The following PEMT variants were observed in gnomAD, a reference collection of about 807,000 sequenced individuals.
The protein encoded by PEMT is phospholipid methyltransferase.
PEMT carries 23 observed loss-of-function variants against 27.4 expected under a neutral mutation model. That is an observed-to-expected ratio of 0.84 (90% CI 0.60 to 1.19). The LOEUF (loss-of-function observed/expected upper bound fraction) is 1.19, where lower values mean the gene tolerates loss of function less well. PEMT is among the 50% of genes most tolerant of loss of function. The pLI is 0.00. For missense variants in PEMT, 307 were observed against 310.1 expected, an observed-to-expected ratio of 0.99 and a Z score of 0.07; for synonymous variants, 137 against 139.1, an observed-to-expected ratio of 0.98 and a Z score of 0.11.
intron 1 of PEMT, among the ~76,000 whole-genome samples, chr17:17,583,202 C>T (rs968711250): frequency 1.3e-5 from 2 of 152,090 alleles, no homozygotes; most frequent in Non-Finnish European, 2.9e-5. Flanking sequence ...CATGGTGACA[C>T]TCCGTCTCTA....
chr17:17,518,023 A>G, intron 3 of PEMT: 13 of 985,496 alleles, frequency 1.3e-5, no homozygotes, highest in Non-Finnish European at 1.4e-5. Flanking sequence ...CGAGGCCAGG[A>G]TGCAGCTTCT....
At chr17:17,550,562 C>T (rs925032579) in intron 2 of PEMT, among the ~76,000 whole-genome samples, 1 of 152,218 alleles carries the variant, frequency 6.6e-6, no homozygotes, top group African/African-American at 2.4e-5. Flanking sequence ...ACAGAAGTGT[C>T]GGGCTCAGGC....
intron 2 of PEMT, among the ~76,000 whole-genome samples, chr17:17,534,236 T>C (rs2142574644): frequency 6.6e-6 from 1 of 152,326 alleles, no homozygotes; most frequent in South Asian, 2.1e-4. Flanking sequence ...CTACGGTGAA[T>C]GGATACAATG....
intron 2 of PEMT, among the ~76,000 whole-genome samples, chr17:17,563,347 C>G (rs1910617408): frequency 6.6e-6 from 1 of 152,178 alleles, no homozygotes; most frequent in Admixed American, 6.5e-5. Flanking sequence ...GGGGCCAAAC[C>G]TGGCCTCTGA....
At chr17:17,578,376 G>A (rs781732476) in intron 1 of PEMT, among the ~76,000 whole-genome samples, 8 of 151,526 alleles carry the variant, frequency 5.3e-5, no homozygotes, top group South Asian at 2.1e-4. Flanking sequence ...CTAGCTGGGC[G>A]TAGTTCCAGT....
At chr17:17,572,501 C>T (rs1911277083) in intron 2 of PEMT, among the ~76,000 whole-genome samples, 1 of 152,202 alleles carries the variant, frequency 6.6e-6, no homozygotes, top group Non-Finnish European at 1.5e-5. Context: ...CTTGTGTTTT[C>T]CTGACAGAAT....
At chr17:17,509,903 C>T (rs1429172129) in intron 4 of PEMT, among the ~76,000 whole-genome samples, 1 of 152,186 alleles carries the variant, frequency 6.6e-6, no homozygotes, top group Non-Finnish European at 1.5e-5. Context: ...CGCCTTTCCT[C>T]CTCAGGCCCT....
At position 17,582,235 on chromosome 17, in the gene PEMT, C is replaced by T. The variant is rs922299186; in HGVS notation, c.97-5208G>A. 1.4e-5 allele frequency: 14 copies of T among 983,674 alleles called. No homozygotes were observed. The highest frequency in any genetic ancestry group is 1.7e-5 in the African/African-American group (1 of 57,300). 60.9% of individuals were successfully genotyped at this position (983,674 alleles called of 1,614,324 possible). On this transcript the variant is annotated intron_variant, in intron 1 of 6. Transcript: ENST00000255389. This position sits in a 1 kb window ranked among gnomAD's most constrained non-coding sequence, Gnocchi z 4.9. Reference sequence around the variant, plus strand: ...CCAAGGCTCCAGGTTGCAGAGGCCTCGGAATCTGACTAAAGGAAAGGAGCT... The same window carrying T: ...CCAAGGCTCCAGGTTGCAGAGGCCTTGGAATCTGACTAAAGGAAAGGAGCT...
At chr17:17,526,936 C>T (rs531536918) in intron 2 of PEMT, among the ~76,000 whole-genome samples, 167 of 152,346 alleles carry the variant, frequency 1.1e-3, no homozygotes, top group African/African-American at 3.9e-3. Flanking sequence ...CCAAGAAGCA[C>T]GACCCCCTTC....
At chr17:17,518,056 C>G (rs923118614) in intron 3 of PEMT, 1 of 985,450 alleles carries the variant, frequency 1.0e-6, no homozygotes, top group African/African-American at 1.7e-5. Flanking sequence ...GCCCGCCACA[C>G]CAGAGCACAC....
intron 2 of PEMT, among the ~76,000 whole-genome samples, chr17:17,544,950 C>T (rs1017574106): frequency 1.3e-5 from 2 of 152,334 alleles, no homozygotes; most frequent in East Asian, 3.9e-4. Flanking sequence ...AGAAAGGAGG[C>T]GAACAGGCCA....
chr17:17,535,521 C>A (rs530229648), intron 2 of PEMT, among the ~76,000 whole-genome samples: 26 of 151,376 alleles, frequency 1.7e-4, no homozygotes, highest in African/African-American at 6.3e-4. Context: ...GCTGAGATCG[C>A]GCCACTGCAC....
chr17:17,560,512 G>A (rs541628931), intron 2 of PEMT, among the ~76,000 whole-genome samples: 158 of 152,354 alleles, frequency 1.0e-3, no homozygotes, highest in African/African-American at 3.7e-3. Flanking sequence ...ACATAGCTAA[G>A]GAGCAACAGG....
chr17:17,586,277 AAAG>A (rs1567759490), intron 1 of PEMT, among the ~76,000 whole-genome samples: 2 of 111,298 alleles, frequency 1.8e-5, no homozygotes, highest in African/African-American at 9.2e-5. Context: ...AGAAAGAAAG[AAAG>A]AAAGAAAGAA....
chr17:17,537,976 A>G (rs537040134), intron 2 of PEMT, among the ~76,000 whole-genome samples: 34 of 152,322 alleles, frequency 2.2e-4, no homozygotes, highest in South Asian at 2.1e-3. Context: ...GGCAGAAATC[A>G]CCAGGGAGTG....
chr17:17,568,656 G>A (rs539973078), intron 2 of PEMT, among the ~76,000 whole-genome samples: 1 of 152,322 alleles, frequency 6.6e-6, no homozygotes, highest in Admixed American at 6.5e-5. Flanking sequence ...CCGGCACCTG[G>A]AGGGATCCCT....
intron 2 of PEMT, among the ~76,000 whole-genome samples, chr17:17,528,771 T>A (rs545538135): frequency 3.3e-5 from 5 of 152,304 alleles, no homozygotes; most frequent in African/African-American, 1.2e-4. Flanking sequence ...AGGGCTCCAC[T>A]GGCATCAGGA....
At chr17:17,575,626 G>A (rs1911533904) in intron 2 of PEMT, among the ~76,000 whole-genome samples, 1 of 152,212 alleles carries the variant, frequency 6.6e-6, no homozygotes, top group Non-Finnish European at 1.5e-5. Flanking sequence ...GGGACGGTGT[G>A]GCTGAGAGTA....
intron 2 of PEMT, among the ~76,000 whole-genome samples, chr17:17,525,946 A>C (rs1907630281): frequency 6.6e-6 from 1 of 152,214 alleles, no homozygotes; most frequent in Non-Finnish European, 1.5e-5. Flanking sequence ...GTGAGCTGAG[A>C]TCGTGCCACT....
Sources: gnomAD v4.1 joint callset for allele counts (sites outside exome capture counted in the v4.1 genomes callset) on GRCh38, gnomAD v4.1.1 for gene constraint, Gnocchi (gnomAD v3.1) non-coding constraint, MANE v1.5 for transcripts, NCBI Gene and HGNC (gene_info 2026-07-23, HGNC 2026-07-21) for gene names.